PTPRD: variants seen among roughly 807,000 people sequenced by gnomAD.
The protein encoded by PTPRD is receptor-type tyrosine-protein phosphatase delta.
A neutral mutation model predicts 214.5 loss-of-function variants in PTPRD; 34 were observed. That is an observed-to-expected ratio of 0.16 (90% confidence interval 0.12 to 0.21). The LOEUF (loss-of-function observed/expected upper bound fraction) is 0.21, where lower values mean the gene tolerates loss of function less well. Among genes scored for constraint, PTPRD ranks in the 10% least tolerant of loss-of-function variants. The pLI is 1.00. For missense variants in PTPRD, 2,545 were observed against 2,398.7 expected, an observed-to-expected ratio of 1.06 and a Z score of -1.27; for synonymous variants, 1,128 against 845.7, an observed-to-expected ratio of 1.33 and a Z score of -5.79.
chr9:9,448,598 T>C (rs1046639494), intron 8 of PTPRD, among the ~76,000 whole-genome samples: 1 of 152,096 alleles, frequency 6.6e-6, no homozygotes, highest in East Asian at 1.9e-4. Flanking sequence ...TGTATTTCTT[T>C]ACAGCAGTGT....
chr9:8,439,720 C>T lies in PTPRD; in HGVS notation c.3989-3031G>A, dbSNP rs182197048. Among the ~76,000 whole-genome samples, 337 of 152,104 alleles carry T rather than the reference C, an allele frequency of 2.2e-3. 1 individual carries two copies. The highest frequency in any genetic ancestry group is 7.7e-3 in the African/African-American group (319 of 41,490). On this transcript the variant is annotated intron_variant, in intron 34 of 45. Coordinates refer to ENST00000381196, the MANE Select transcript of PTPRD (RefSeq NM_002839.4). The stretch of plus-strand genomic sequence containing the variant: ...ATATTGTTACACAATTCTGCAGAAA[C>T]ATCTCCGCTGCCCAATATTGAAAAA...
chr9:9,417,432 G>C (rs986454783), intron 8 of PTPRD, among the ~76,000 whole-genome samples: 3 of 152,114 alleles, frequency 2.0e-5, no homozygotes, highest in Non-Finnish European at 4.4e-5. Context: ...TACTTATTTT[G>C]GGTCTGTGCA....
At chr9:10,609,381 A>G (rs2080334275) in intron 2 of PTPRD, among the ~76,000 whole-genome samples, 1 of 152,032 alleles carries the variant, frequency 6.6e-6, no homozygotes, top group Non-Finnish European at 1.5e-5. Flanking sequence ...AATTCTGTTC[A>G]CTCACCACCC....
chr9:8,339,136 T>G, intron 42 of PTPRD, 89 bp from the exon 43 acceptor site: 5 of 1,288,856 alleles, frequency 3.9e-6, no homozygotes, highest in South Asian at 2.1e-5. Flanking sequence ...CTATCTAATT[T>G]CCTTATCCCA....
intron 11 of PTPRD, among the ~76,000 whole-genome samples, chr9:8,797,735 T>A (rs909145203): frequency 6.6e-6 from 1 of 152,222 alleles, no homozygotes. Context: ...GTATTAAAGA[T>A]ATTTGCATAT....
chr9:9,941,678 T>C (rs1405379023), intron 4 of PTPRD, among the ~76,000 whole-genome samples: 1 of 152,170 alleles, frequency 6.6e-6, no homozygotes, highest in African/African-American at 2.4e-5. Flanking sequence ...TTCAGTAACT[T>C]CAATCCTCTT....
At chr9:8,519,984 T>C (rs1044966402) in intron 20 of PTPRD, among the ~76,000 whole-genome samples, 11 of 152,200 alleles carry the variant, frequency 7.2e-5, no homozygotes, top group African/African-American at 2.7e-4. Flanking sequence ...TACAGAATGA[T>C]AGTATTTTGT....
At chr9:8,475,255 T>C (rs969772977) in intron 30 of PTPRD, among the ~76,000 whole-genome samples, 7 of 152,170 alleles carry the variant, frequency 4.6e-5, no homozygotes, top group East Asian at 1.9e-4. Flanking sequence ...TACTCTTCTG[T>C]CCTTCTTGCC....
chr9:10,176,246 TA>T (rs2099248047), intron 3 of PTPRD, among the ~76,000 whole-genome samples: 2 of 152,028 alleles, frequency 1.3e-5, no homozygotes, highest in South Asian at 4.1e-4. Context: ...TATTTTTATA[TA>T]AATTTTTTTT....
chr9:10,349,817 T>C (rs1007372428), intron 2 of PTPRD, among the ~76,000 whole-genome samples: 19 of 152,142 alleles, frequency 1.2e-4, no homozygotes, highest in African/African-American at 4.3e-4. Context: ...CATGCCACCA[T>C]CCCCAGCTAA....
At chr9:8,332,908 C>T in intron 43 of PTPRD, among the ~76,000 whole-genome samples, 1 of 152,134 alleles carries the variant, frequency 6.6e-6, no homozygotes. Flanking sequence ...CACATTATTT[C>T]CTCATCAAAC....
intron 10 of PTPRD, among the ~76,000 whole-genome samples, chr9:9,176,502 T>C (rs1376926169): frequency 6.6e-6 from 1 of 152,164 alleles, no homozygotes; most frequent in Non-Finnish European, 1.5e-5. Context: ...TATTTAAAAA[T>C]AGACCCATGT....
At chr9:8,817,184 G>T (rs78471141) in intron 11 of PTPRD, among the ~76,000 whole-genome samples, 7,704 of 152,246 alleles carry the variant, frequency 0.051, 379 homozygotes, top group African/African-American at 0.12. Flanking sequence ...CATTTCTCAT[G>T]CTAGTTAAAT....
chr9:9,852,633 T>C (rs888611696), intron 5 of PTPRD, among the ~76,000 whole-genome samples: 14 of 152,252 alleles, frequency 9.2e-5, no homozygotes, highest in African/African-American at 3.4e-4. Flanking sequence ...ATCCTTTATA[T>C]TGTCTTTATA....
chr9:10,594,052 T>C (rs2382219), intron 2 of PTPRD, among the ~76,000 whole-genome samples: 144,037 of 151,952 alleles, frequency 0.95, 68,384 homozygotes, highest in East Asian at 1. Flanking sequence ...TAACTAAACT[T>C]TTTGTGTTGT....
chr9:9,316,014 G>A (rs1962803367), intron 9 of PTPRD, among the ~76,000 whole-genome samples: 1 of 151,764 alleles, frequency 6.6e-6, no homozygotes, highest in South Asian at 2.1e-4. Context: ...ATACCAGTAT[G>A]CAATTTATAT....
chr9:10,538,750 CTTATT>C (rs949232334), intron 2 of PTPRD, among the ~76,000 whole-genome samples: 1 of 152,040 alleles, frequency 6.6e-6, no homozygotes, highest in Non-Finnish European at 1.5e-5. Context: ...GAGACATTAT[CTTATT>C]TTTTCTTAAA....
chr9:9,270,267 T>C (rs1361470106), intron 9 of PTPRD, among the ~76,000 whole-genome samples: 3 of 151,370 alleles, frequency 2.0e-5, no homozygotes, highest in Non-Finnish European at 4.4e-5. Context: ...ATAAGTAACA[T>C]TTGTGATAAT....
chr9:9,915,108 G>C (rs2080324129), intron 5 of PTPRD, among the ~76,000 whole-genome samples: 1 of 152,110 alleles, frequency 6.6e-6, no homozygotes, highest in Admixed American at 6.5e-5. Flanking sequence ...TGAGCAACTT[G>C]CAAATGCCTT....
Sources: gnomAD v4.1 joint callset for allele counts (sites outside exome capture counted in the v4.1 genomes callset) on GRCh38, gnomAD v4.1.1 for gene constraint, MANE v1.5 for transcripts, NCBI Gene and HGNC (gene_info 2026-07-23, HGNC 2026-07-21) for gene names.